S100Z: variants seen among roughly 807,000 people sequenced by gnomAD.
The protein encoded by S100Z is S100 calcium binding protein Z.
S100Z carries 11 observed loss-of-function variants against 8.5 expected under a neutral mutation model. The ratio of observed to expected loss-of-function variants is 1.30; its 90% CI spans 0.82 to 2.15. The LOEUF is 2.15. Among genes scored for constraint, S100Z ranks in the 30% most tolerant of loss-of-function variants. S100Z has a pLI of 0.00. For missense variants in S100Z, 126 were observed against 117.9 expected, an observed-to-expected ratio of 1.07 and a Z score of -0.32; for synonymous variants, 34 against 43.8, an observed-to-expected ratio of 0.78 and a Z score of 0.89.
intron 1 of S100Z, among the ~76,000 whole-genome samples, chr5:76,859,046 G>A (rs903668627): frequency 1.3e-5 from 2 of 152,154 alleles, no homozygotes; most frequent in Non-Finnish European, 1.5e-5. Context: ...CCCAGTAGGC[G>A]GAGGTTCCAG....
chr5:76,895,764 CCTTTT>C (rs1744012485), intron 4 of S100Z, among the ~76,000 whole-genome samples: 1 of 123,024 alleles, frequency 8.1e-6, no homozygotes, highest in Non-Finnish European at 1.7e-5. Context: ...TTCTTTTCTT[CCTTTT>C]TTTTTTTTTT....
At chr5:76,925,265 C>A (rs1745119029), downstream of S100Z, among the ~76,000 whole-genome samples, 1 of 152,196 alleles carries the variant, frequency 6.6e-6, no homozygotes, top group Non-Finnish European at 1.5e-5. Flanking sequence ...GTCGTACACA[C>A]TAACCTAGCA....
At position 76,863,822 on chromosome 5, in the gene S100Z, G is replaced by A. The variant is rs757986571; in HGVS notation, c.-175-6344G>A. 7.2e-5 allele frequency among the ~76,000 whole-genome samples: 11 copies of A among 152,212 alleles called. No individual in the cohort carries two copies. The East Asian group carries it at 9.6e-4, about 13-fold the overall frequency. ...CAAAGTACTGGGATTACAGGTGTGA[G>A]CCACTGCGCCCGGCCAATTATATTA... On this transcript the variant is annotated intron_variant, in intron 1 of 4. Transcript: ENST00000317593.
rs150083517 is a variant in S100Z at position 76,893,323 on chromosome 5, G to C, written c.*2+15489G>C. Among the ~76,000 whole-genome samples the C allele has an allele frequency of 5.0e-3, 764 of 152,180 alleles. 7 individuals are homozygous for C. The highest frequency in any genetic ancestry group is 0.017 in the African/African-American group (716 of 41,522). On this transcript the variant is annotated intron_variant, in intron 4 of 4. Transcript: ENST00000317593. ...AGGCTCCTTTTCAAAGGGAAGGTCT[G>C]TGATGGGGTAGAAAGCAAAAGTTCA...
intron 4 of S100Z, among the ~76,000 whole-genome samples, chr5:76,895,765 CTTTTTTT>C (rs57723242): frequency 3.5e-3 from 308 of 88,376 alleles, no homozygotes; most frequent in African/African-American, 0.011. Flanking sequence ...TCTTTTCTTC[CTTTTTTT>C]TTTTTTTTTT....
intron 4 of S100Z, among the ~76,000 whole-genome samples, chr5:76,890,982 C>G (rs71630998): frequency 3.9e-5 from 6 of 152,166 alleles, no homozygotes; most frequent in Non-Finnish European, 5.9e-5. Context: ...CTGCTTCAGC[C>G]TCTTGAGTAG....
the S100Z span, among the ~76,000 whole-genome samples, chr5:76,928,985 C>T: frequency 6.6e-6 from 1 of 152,220 alleles, no homozygotes; most frequent in Non-Finnish European, 1.5e-5. Flanking sequence ...CTCAAGTGTT[C>T]CTCCACCCTA....
At chr5:76,884,932 G>A (rs1010460465) in intron 4 of S100Z, among the ~76,000 whole-genome samples, 2 of 152,082 alleles carry the variant, frequency 1.3e-5, no homozygotes, top group South Asian at 2.1e-4. Context: ...GATTTGGGAC[G>A]AGTCTCACTG....
intron 1 of S100Z, among the ~76,000 whole-genome samples, chr5:76,861,328 G>A (rs1212324592): frequency 1.4e-5 from 2 of 143,994 alleles, no homozygotes; most frequent in East Asian, 3.9e-4. Flanking sequence ...AAGAGGAAGC[G>A]AGGCAAAAGC....
the S100Z span, among the ~76,000 whole-genome samples, chr5:76,936,005 G>T: frequency 6.6e-6 from 1 of 152,172 alleles, no homozygotes; most frequent in Non-Finnish European, 1.5e-5. Context: ...TTGAACTCCT[G>T]ATCTCAGGTG....
the S100Z span, among the ~76,000 whole-genome samples, chr5:76,929,431 A>G: frequency 1.3e-5 from 2 of 152,208 alleles, no homozygotes; most frequent in Non-Finnish European, 2.9e-5. Flanking sequence ...CTATTAGTTA[A>G]CAGAAAATTG....
At chr5:76,950,367 C>G in the S100Z span, among the ~76,000 whole-genome samples, 4 of 152,184 alleles carry the variant, frequency 2.6e-5, no homozygotes, top group Non-Finnish European at 5.9e-5. Flanking sequence ...CAGAAGTTCT[C>G]TGTGTGTGTC....
At chr5:76,945,615 C>T in the S100Z span, among the ~76,000 whole-genome samples, 5 of 152,220 alleles carry the variant, frequency 3.3e-5, no homozygotes, top group African/African-American at 9.6e-5. Context: ...GAAGCATAAA[C>T]CTGGCCTATG....
At position 76,875,627 on chromosome 5, in the gene S100Z, C is replaced by G. The variant is rs1743163692; in HGVS notation, c.141+127C>G. ...ATGCAGCCAAATTTGTACAGAGATT[C>G]AAAATATAGGGGAAGCAAACACTGG... On this transcript the variant is annotated intron_variant, in intron 3 of 4. Transcript: ENST00000317593. The G allele has an allele frequency of 5.0e-6, 4 of 807,820 alleles. No individual in the cohort carries two copies. The Admixed American group carries it at 1.1e-4, about 23-fold the overall frequency. 50.0% of individuals were successfully genotyped at this position (807,820 alleles called of 1,614,324 possible).
chr5:76,874,081 T>G (rs2150638031), intron 2 of S100Z, among the ~76,000 whole-genome samples: 1 of 152,328 alleles, frequency 6.6e-6, no homozygotes, highest in African/African-American at 2.4e-5. Context: ...ATATTTTGTT[T>G]CCTTTCAGTG....
At chr5:76,907,452 C>T (rs554170985) in intron 4 of S100Z, among the ~76,000 whole-genome samples, 8 of 152,034 alleles carry the variant, frequency 5.3e-5, no homozygotes, top group South Asian at 2.1e-4. Context: ...TACAGGGGCC[C>T]GCCACCATGC....
the S100Z span, among the ~76,000 whole-genome samples, chr5:76,942,768 C>T: frequency 2.6e-5 from 4 of 152,176 alleles, no homozygotes; most frequent in African/African-American, 4.8e-5. Context: ...GGCTATGCCT[C>T]ACAGATGGTG....
chr5:76,919,156 G>C (rs1039754067), intron 4 of S100Z, among the ~76,000 whole-genome samples: 1 of 152,178 alleles, frequency 6.6e-6, no homozygotes, highest in Non-Finnish European at 1.5e-5. Context: ...AAACAGTCAT[G>C]TGCAGGTTTT....
chr5:76,865,428 G>C (rs2150629257), intron 1 of S100Z, among the ~76,000 whole-genome samples: 1 of 151,300 alleles, frequency 6.6e-6, no homozygotes, highest in South Asian at 2.1e-4. Context: ...TGTATTTTTA[G>C]TAGAGACAGG....
Sources: gnomAD v4.1 joint callset for allele counts (sites outside exome capture counted in the v4.1 genomes callset) on GRCh38, gnomAD v4.1.1 for gene constraint, MANE v1.5 for transcripts, NCBI Gene and HGNC (gene_info 2026-07-23, HGNC 2026-07-21) for gene names.